Variants in SYNPO observed in about 807,000 individuals in gnomAD.
SYNPO encodes the protein synaptopodin.
SYNPO carries 19 observed loss-of-function variants against 49.5 expected under a neutral mutation model. The ratio of observed to expected loss-of-function variants is 0.38; its 90% CI spans 0.27 to 0.56. SYNPO has a LOEUF of 0.56. SYNPO is among the 20% of genes least tolerant of loss of function. The probability of loss-of-function intolerance (pLI) is 0.68; values close to 1 mark genes in which losing one functional copy is unlikely to be tolerated. For synonymous variants in SYNPO, 536 were observed against 548.0 expected (o/e 0.98, Z 0.31); for missense variants, 1,131 against 1,248.3 (o/e 0.91, Z 1.42).
chr5:150,622,620 G>A (rs1239097675), intron 2 of SYNPO, among the ~76,000 whole-genome samples: 1 of 152,204 alleles, frequency 6.6e-6, no homozygotes, highest in East Asian at 1.9e-4. Context: ...TGTCAGATGA[G>A]TCCTGCCACT....
the SYNPO span, among the ~76,000 whole-genome samples, chr5:150,586,429 C>A: frequency 6.6e-6 from 1 of 152,206 alleles, no homozygotes; most frequent in African/African-American, 2.4e-5. Flanking sequence ...GGGAAGCCCG[C>A]CCTGATACCT....
At chr5:150,652,969 G>T (rs993692482) in intron 2 of SYNPO, 2 of 152,202 alleles carry the variant, frequency 1.3e-5, no homozygotes, top group African/African-American at 4.8e-5. Context: ...GCAGTGAAAG[G>T]ATTACAGAAG....
chr5:150,643,244 T>C (rs1221512712), intron 1 of SYNPO, among the ~76,000 whole-genome samples: 1 of 152,208 alleles, frequency 6.6e-6, no homozygotes, highest in African/African-American at 2.4e-5. Context: ...TCCTTCTGGC[T>C]CTGTGATCGT....
At chr5:150,596,254 A>G (rs968272912), upstream of SYNPO, among the ~76,000 whole-genome samples, 1 of 151,670 alleles carries the variant, frequency 6.6e-6, no homozygotes, top group African/African-American at 2.4e-5. Flanking sequence ...TCCCCTAAAC[A>G]CCCCCAGAGA....
intron 2 of SYNPO, chr5:150,651,026 T>C (rs1758361142): frequency 8.3e-7 from 1 of 1,211,076 alleles, no homozygotes; most frequent in Non-Finnish European, 1.0e-6. Flanking sequence ...GGCTCTGTTT[T>C]AGGGAGATCA....
chr5:150,589,737 T>G, the SYNPO span, among the ~76,000 whole-genome samples: 1 of 152,174 alleles, frequency 6.6e-6, no homozygotes, highest in Admixed American at 6.5e-5. Context: ...AAGAGCAAAT[T>G]ATTGGATTAT....
Position 150,656,659 on chromosome 5 carries a change from A to T in SYNPO, c.2284A>T (p.Ile762Phe). 6.7e-7 allele frequency: 1 copy of T among 1,503,072 alleles called. No homozygotes were observed. Among genetic ancestry groups the T allele is most frequent in the Non-Finnish European group, 8.8e-7 (1 of 1,133,938 alleles). 93.1% of individuals were successfully genotyped at this position (1,503,072 alleles called of 1,614,324 possible). ...GCAGGCGCTTCTGGCGCGAAACATC[A>T]TCAATGCGGCCCGGCGCAAGAGCGC... is the stretch of plus-strand genomic sequence containing the variant. The part of the protein sequence containing the change: ...QLQALLARNI[I>F]NAARRKSASP... Residue 762 changes from isoleucine to phenylalanine, a missense_variant, in exon 3 of 3, where the codon ATC becomes TTC. Transcript: ENST00000307662.
chr5:150,609,178 G>A (rs764145060), intron 1 of SYNPO, among the ~76,000 whole-genome samples: 1 of 152,232 alleles, frequency 6.6e-6, no homozygotes, highest in Non-Finnish European at 1.5e-5. Context: ...GCTGGGAAAG[G>A]GTGCATTGGC....
chr5:150,612,419 C>T (rs1350945087), intron 1 of SYNPO, among the ~76,000 whole-genome samples: 1 of 152,244 alleles, frequency 6.6e-6, no homozygotes, highest in East Asian at 1.9e-4. Context: ...GCTCCTTCCT[C>T]CCTCCCATCC....
At chr5:150,590,397 G>A in the SYNPO span, among the ~76,000 whole-genome samples, 1 of 152,232 alleles carries the variant, frequency 6.6e-6, no homozygotes, top group African/African-American at 2.4e-5. Context: ...GCCCAGAGAG[G>A]GCCAAGGGGC....
chr5:150,604,415 A>G lies in SYNPO; in HGVS notation c.-266+3227A>G, dbSNP rs190948875. Among the ~76,000 whole-genome samples the G allele has an allele frequency of 2.0e-4, 30 of 152,322 alleles. 1 individual carries two copies. In the East Asian group the frequency reaches 4.8e-3, roughly 24 times the overall value. On this transcript the variant is annotated intron_variant, in intron 1 of 2. Transcript: ENST00000394243. ...AGGCTGAAGATTCTAGAACTTATTC[A>G]CCGACAGTGATGCCCTGGGTTCTTG...
intron 1 of SYNPO, among the ~76,000 whole-genome samples, chr5:150,603,497 C>A (rs1227675651): frequency 2.0e-5 from 3 of 152,268 alleles, no homozygotes; most frequent in Non-Finnish European, 4.4e-5. Flanking sequence ...GTTAGTGTTA[C>A]TTGTGACCAC....
chr5:150,586,438 C>T, the SYNPO span, among the ~76,000 whole-genome samples: 1 of 152,228 alleles, frequency 6.6e-6, no homozygotes, highest in Non-Finnish European at 1.5e-5. Context: ...GCCCTGATAC[C>T]TAACCCCCAA....
chr5:150,647,175 G>A (rs1444586422), intron 1 of SYNPO, among the ~76,000 whole-genome samples: 12 of 151,968 alleles, frequency 7.9e-5, no homozygotes, highest in Non-Finnish European at 1.5e-4. Flanking sequence ...CCTGGGAGGC[G>A]GAGGTTGCAG....
At chr5:150,642,467 G>A (rs987386765) in intron 1 of SYNPO, among the ~76,000 whole-genome samples, 1 of 152,212 alleles carries the variant, frequency 6.6e-6, no homozygotes, top group African/African-American at 2.4e-5. Flanking sequence ...CAGCCAGGCC[G>A]ATTGAGGGTT....
rs1758610263 is a variant in SYNPO at position 150,657,387 on chromosome 5, C to T, written c.*300C>T. ...GTCAAAATTCCCCTTCCCATCAGTA[C>T]ACACACCGATGCACACACACTCTCT... On this transcript the variant is annotated 3_prime_UTR_variant, in exon 3 of 3. Coordinates refer to ENST00000307662, the MANE Select transcript of SYNPO (RefSeq NM_007286.6). 1 of 448,212 alleles carries T rather than the reference C, an allele frequency of 2.2e-6. No homozygotes were observed. The allele number at this position is 448,212 out of a possible 1,614,324, so 27.8% of individuals were successfully genotyped here.
intron 1 of SYNPO, among the ~76,000 whole-genome samples, chr5:150,601,561 C>T (rs562727207): frequency 5.2e-4 from 79 of 152,266 alleles, no homozygotes; most frequent in African/African-American, 1.9e-3. Context: ...GAGTTCTGTG[C>T]GTGTGCTTGT....
chr5:150,637,688 C>T (rs1757763436), upstream of SYNPO, among the ~76,000 whole-genome samples: 2 of 152,328 alleles, frequency 1.3e-5, no homozygotes, highest in African/African-American at 2.4e-5. Context: ...ACCCCATGTG[C>T]GGTGACTTTG....
chr5:150,647,363 GAAAAC>G (rs1758141906), intron 1 of SYNPO, among the ~76,000 whole-genome samples: 1 of 152,156 alleles, frequency 6.6e-6, no homozygotes, highest in Non-Finnish European at 1.5e-5. Flanking sequence ...ATGCTATGGA[GAAAAC>G]AAAACAGATG....
Sources: allele counts gnomAD v4.1 joint callset (sites outside exome capture counted in the v4.1 genomes callset), GRCh38; gene constraint gnomAD v4.1.1; transcripts MANE v1.5; gene names NCBI Gene and HGNC (gene_info 2026-07-23, HGNC 2026-07-21).